The following ERBB4 variants were observed in gnomAD, a reference collection of about 807,000 sequenced individuals.
ERBB4 encodes receptor tyrosine-protein kinase erbB-4.
Under a neutral mutation model 158.0 loss-of-function variants are expected in ERBB4, and 42 were observed. The observed-to-expected ratio is 0.27, with a 90% CI of 0.21 to 0.34. The LOEUF is 0.34. Ranked by LOEUF, ERBB4 falls within the 10% of genes least tolerant of loss-of-function variation. The probability of loss-of-function intolerance (pLI) is 1.00; values close to 1 mark genes in which losing one functional copy is unlikely to be tolerated. For missense variants in ERBB4, 1,333 were observed against 1,624.1 expected, an observed-to-expected ratio of 0.82 and a Z score of 3.08; for synonymous variants, 583 against 558.7, an observed-to-expected ratio of 1.04 and a Z score of -0.61.
At chr2:211,637,159 T>C (rs2070392833) in intron 16 of ERBB4, among the ~76,000 whole-genome samples, 1 of 151,958 alleles carries the variant, frequency 6.6e-6, no homozygotes, top group African/African-American at 2.4e-5. Context: ...TGGCTACAGA[T>C]GAAAGCATAA....
chr2:212,014,483 G>A (rs539823299), intron 2 of ERBB4, among the ~76,000 whole-genome samples: 8 of 152,298 alleles, frequency 5.3e-5, no homozygotes, highest in African/African-American at 1.4e-4. Context: ...ATGTAACATG[G>A]AGATCTGTAG....
intron 3 of ERBB4, among the ~76,000 whole-genome samples, chr2:211,825,777 T>C (rs1207027705): frequency 6.8e-6 from 1 of 147,532 alleles, no homozygotes; most frequent in Non-Finnish European, 1.5e-5. Context: ...TATTATATAT[T>C]ATTAATAATA....
intron 1 of ERBB4, among the ~76,000 whole-genome samples, chr2:212,457,318 C>T (rs146216880): frequency 6.6e-6 from 1 of 152,018 alleles, no homozygotes; most frequent in East Asian, 1.9e-4. Flanking sequence ...TGTTCTCTTC[C>T]TTCCTACATG....
chr2:211,563,221 A>G (rs988180624), intron 19 of ERBB4, among the ~76,000 whole-genome samples: 2 of 152,208 alleles, frequency 1.3e-5, no homozygotes, highest in Non-Finnish European at 2.9e-5. Flanking sequence ...AGACATAACC[A>G]TAAAATAAAT....
intron 2 of ERBB4, among the ~76,000 whole-genome samples, chr2:212,012,415 A>ATTTTTTTTTTTT (rs34430050): frequency 1.6e-5 from 2 of 126,572 alleles, no homozygotes; most frequent in Non-Finnish European, 3.4e-5. Flanking sequence ...TAAGAACTGC[A>ATTTTTTTTTTTT]TTTTTTTTTT....
chr2:211,741,915 G>A (rs559511701), intron 5 of ERBB4, among the ~76,000 whole-genome samples: 49 of 152,154 alleles, frequency 3.2e-4, no homozygotes, highest in South Asian at 1.0e-3. Context: ...ATTTTCTACC[G>A]GTAAATTATT....
intron 16 of ERBB4, among the ~76,000 whole-genome samples, chr2:211,637,571 CT>C (rs544840917): frequency 3.3e-5 from 5 of 151,886 alleles, no homozygotes; most frequent in South Asian, 4.1e-4. Context: ...AAACCAAAGG[CT>C]TTTTTGATCC....
chr2:212,374,443 A>G (rs1459011379), intron 1 of ERBB4, among the ~76,000 whole-genome samples: 1 of 150,020 alleles, frequency 6.7e-6, no homozygotes, highest in Non-Finnish European at 1.5e-5. Flanking sequence ...ATCTCTTCCC[A>G]TAATTTCTCT....
At chr2:212,499,458 A>C (rs963406260) in intron 1 of ERBB4, among the ~76,000 whole-genome samples, 4 of 152,110 alleles carry the variant, frequency 2.6e-5, no homozygotes, top group Non-Finnish European at 4.4e-5. Context: ...AATGTAGAGG[A>C]ATCAGGTATA....
At chr2:212,405,326 G>A (rs2091314958) in intron 1 of ERBB4, among the ~76,000 whole-genome samples, 1 of 151,146 alleles carries the variant, frequency 6.6e-6, no homozygotes, top group African/African-American at 2.4e-5. Context: ...TTATTAAAAA[G>A]TAAAAATAAC....
chr2:212,145,961 C>T (rs2080656264), intron 1 of ERBB4, among the ~76,000 whole-genome samples: 1 of 152,132 alleles, frequency 6.6e-6, no homozygotes, highest in Admixed American at 6.5e-5. Context: ...CCAATCTATA[C>T]TTCCTGTCCC....
chr2:211,966,190 G>A (rs1399874544), intron 2 of ERBB4, among the ~76,000 whole-genome samples: 2 of 151,972 alleles, frequency 1.3e-5, no homozygotes, highest in African/African-American at 2.4e-5. Context: ...CTCCAGCTTG[G>A]GCAACAGAGT....
chr2:211,807,948 C>T (rs1004044346), intron 3 of ERBB4, among the ~76,000 whole-genome samples: 1 of 152,108 alleles, frequency 6.6e-6, no homozygotes, highest in African/African-American at 2.4e-5. Flanking sequence ...CTGTTCATAT[C>T]CTTTGCCCAC....
intron 12 of ERBB4, among the ~76,000 whole-genome samples, chr2:211,693,271 CTAAAG>C (rs1438570016): frequency 2.6e-5 from 4 of 151,946 alleles, no homozygotes; most frequent in Non-Finnish European, 5.9e-5. Flanking sequence ...TGTTGAAAGT[CTAAAG>C]TAAATAAAAT....
intron 1 of ERBB4, among the ~76,000 whole-genome samples, chr2:212,230,320 A>G (rs2083619870): frequency 6.6e-6 from 1 of 152,150 alleles, no homozygotes; most frequent in African/African-American, 2.4e-5. Flanking sequence ...ACAACATGGA[A>G]GTCTAAGTGT....
At chr2:212,087,279 A>G (rs2078645029) in intron 2 of ERBB4, among the ~76,000 whole-genome samples, 1 of 74,570 alleles carries the variant, frequency 1.3e-5, no homozygotes, top group African/African-American at 3.3e-5. Context: ...GAGACTTAGG[A>G]ACACTTCCAC....
At chr2:211,537,276 G>GA (rs1361516433) in intron 20 of ERBB4, among the ~76,000 whole-genome samples, 4 of 151,424 alleles carry the variant, frequency 2.6e-5, no homozygotes, top group East Asian at 2.0e-4. Context: ...TTTATAAACA[G>GA]AAAAAATGAA....
At chr2:212,045,124 G>C (rs2077229369) in intron 2 of ERBB4, among the ~76,000 whole-genome samples, 1 of 152,068 alleles carries the variant, frequency 6.6e-6, no homozygotes, top group African/African-American at 2.4e-5. Context: ...TTGACCTTTG[G>C]GACTTGGATT....
At chr2:212,200,825 G>A (rs1467274) in intron 1 of ERBB4, among the ~76,000 whole-genome samples, 84,276 of 151,990 alleles carry the variant, frequency 0.55, 25,529 homozygotes, top group African/African-American at 0.79. Context: ...GAAGGTGCTA[G>A]CTAATTAGTA....
Sources: allele counts gnomAD v4.1 joint callset (sites outside exome capture counted in the v4.1 genomes callset), GRCh38; gene constraint gnomAD v4.1.1; transcripts MANE v1.5; gene names NCBI Gene and HGNC (gene_info 2026-07-23, HGNC 2026-07-21).